IGSF9B: variants seen among roughly 807,000 people sequenced by gnomAD.
The protein encoded by IGSF9B is protein turtle homolog B.
IGSF9B carries 48 observed loss-of-function variants against 143.7 expected under a neutral mutation model. That is an observed-to-expected ratio of 0.33 (90% confidence interval 0.26 to 0.42). IGSF9B has a LOEUF of 0.42. Ranked by LOEUF, IGSF9B falls within the 20% of genes least tolerant of loss-of-function variation. The probability of loss-of-function intolerance (pLI) is 1.00; values close to 1 mark genes in which losing one functional copy is unlikely to be tolerated. For missense variants in IGSF9B, 1,706 were observed against 1,980.0 expected, an observed-to-expected ratio of 0.86 and a Z score of 2.63; for synonymous variants, 903 against 833.1, an observed-to-expected ratio of 1.08 and a Z score of -1.44.
In IGSF9B at chr11:133,931,366, CG is replaced by C; in HGVS notation, c.1368+86del. On this transcript the variant is annotated intron_variant, in intron 10 of 19. Transcript: ENST00000533871. This position sits in a 1 kb window ranked among gnomAD's most constrained non-coding sequence, Gnocchi z 7.7. ...CACACCTCCCCTCAGCCCCGGGGCTCGCTGGGCCCTCAAACCTCCCCGCAGC... is the reference window on the plus strand; with the variant it reads ...CACACCTCCCCTCAGCCCCGGGGCTCCTGGGCCCTCAAACCTCCCCGCAGC... 1 of 1,001,762 alleles carries C rather than the reference CG, an allele frequency of 1.0e-6. No homozygotes were observed. The highest frequency in any genetic ancestry group is 1.5e-6 in the Non-Finnish European group (1 of 663,510). 62.1% of individuals were successfully genotyped at this position (1,001,762 alleles called of 1,614,324 possible). A position where few individuals can be genotyped will look rare whatever the true frequency, so the allele number is the denominator to read the frequency against.
At position 133,899,349 on chromosome 11, in the gene IGSF9B, C is replaced by T. The variant is rs1050367999; in HGVS notation, c.*9720G>A. ...TCTCAATGACCTTTGCTCCAAGTGC[C>T]TTAAGGGCTGGCTCTTCAGAGAAGC... On this transcript the variant is annotated 3_prime_UTR_variant, in exon 20 of 20. Coordinates refer to ENST00000533871, the MANE Select transcript of IGSF9B (RefSeq NM_001277285.4). 3.3e-5 allele frequency: 5 copies of T among 152,456 alleles called. No homozygotes were observed. The highest frequency in any genetic ancestry group is 1.2e-4 in the African/African-American group (5 of 41,466). 9.4% of individuals were successfully genotyped at this position (152,456 alleles called of 1,614,324 possible). A position where few individuals can be genotyped will look rare whatever the true frequency, so the allele number is the denominator to read the frequency against.
chr11:133,928,639 A>AC lies in IGSF9B; in HGVS notation c.1631+1031dup, dbSNP rs1939671492. Among the ~76,000 whole-genome samples the AC allele has an allele frequency of 1.3e-5, 2 of 151,894 alleles. No homozygotes were observed. The highest frequency in any genetic ancestry group is 2.4e-5 in the African/African-American group (1 of 41,326). Reference sequence around the variant, plus strand: ...CTCGCCCTCCCAGCTCAAGGTTGTCACCCCCGGGGCAGGGCAGGTGGCTGC... The same window carrying AC: ...CTCGCCCTCCCAGCTCAAGGTTGTCACCCCCCGGGGCAGGGCAGGTGGCTGC... On this transcript the variant is annotated intron_variant, in intron 12 of 19. Transcript: ENST00000533871. This position sits in a 1 kb window ranked among gnomAD's most constrained non-coding sequence, Gnocchi z 4.7.
In IGSF9B at chr11:133,906,346, G is replaced by A. The variant is rs1269281699; in HGVS notation, c.*2723C>T. On this transcript the variant is annotated 3_prime_UTR_variant, in exon 20 of 20. Transcript: ENST00000533871. ...CCACCAATCCCATCGCCGTCCACGGGCTGCAGGAGGGCTGCTGGCCTCCGA... is the reference window on the plus strand; with the variant it reads ...CCACCAATCCCATCGCCGTCCACGGACTGCAGGAGGGCTGCTGGCCTCCGA... Among the ~76,000 whole-genome samples, 2 of 152,218 alleles carry A rather than the reference G, an allele frequency of 1.3e-5. No homozygotes were observed. The highest frequency in any genetic ancestry group is 2.9e-5 in the Non-Finnish European group (2 of 68,046).
At position 133,913,918 on chromosome 11, in the gene IGSF9B, G is replaced by A. The variant is rs1939338795; in HGVS notation, c.3984-1911C>T. 6.6e-6 allele frequency among the ~76,000 whole-genome samples: 1 copy of A among 152,162 alleles called. No homozygotes were observed. The highest frequency in any genetic ancestry group is 1.5e-5 in the Non-Finnish European group (1 of 68,036). ...CGGCCTCTTCAGGAGGACCACACAG[G>A]GTGAGCGACGTGTGGTCAGGGAGGC... On this transcript the variant is annotated intron_variant, in intron 18 of 19. Coordinates refer to ENST00000533871, the MANE Select transcript of IGSF9B (RefSeq NM_001277285.4). The surrounding 1 kb of genome is among the most constrained non-coding windows in gnomAD (Gnocchi z 4.6).
At chr11:133,926,256 C>T (rs1939625366) in intron 13 of IGSF9B, among the ~76,000 whole-genome samples, 1 of 152,352 alleles carries the variant, frequency 6.6e-6, no homozygotes, top group East Asian at 1.9e-4. Flanking sequence ...TCTCACAGCA[C>T]AGCAGTCACT....
In IGSF9B at chr11:133,898,304, A is replaced by G. The variant is rs1429335563; in HGVS notation, c.*10765T>C. On this transcript the variant is annotated 3_prime_UTR_variant, in exon 20 of 20. Coordinates refer to ENST00000533871, the MANE Select transcript of IGSF9B (RefSeq NM_001277285.4). The stretch of plus-strand genomic sequence containing the variant: ...CAGCAAGAGGCTGCCGCGCACCGAG[A>G]GGTACAGAGTTTGTAAGGGGTCTGG... 1 of 152,416 alleles carries G rather than the reference A, an allele frequency of 6.6e-6. No individual in the cohort carries two copies. The highest frequency in any genetic ancestry group is 1.9e-4 in the East Asian group (1 of 5,156). 9.4% of individuals were successfully genotyped at this position (152,416 alleles called of 1,614,324 possible).
At chr11:133,949,673 G>A (rs1191712572) in intron 1 of IGSF9B, among the ~76,000 whole-genome samples, 1 of 151,668 alleles carries the variant, frequency 6.6e-6, no homozygotes, top group Non-Finnish European at 1.5e-5. Context: ...TGTTCTGTCA[G>A]AACACCCCAG....
At chr11:133,926,867 C>A in intron 13 of IGSF9B, 49 bp downstream of exon 13, 1 of 1,496,198 alleles carries the variant, frequency 6.7e-7, no homozygotes, top group Non-Finnish European at 9.0e-7. Context: ...GCCACCGCCC[C>A]CACCACCTCT....
At chr11:133,929,403 G>A (rs1021531848) in intron 12 of IGSF9B, among the ~76,000 whole-genome samples, 6 of 152,314 alleles carry the variant, frequency 3.9e-5, no homozygotes, top group South Asian at 4.1e-4. Flanking sequence ...GACGCAAAAC[G>A]AGGCAGCACG....
rs370904014 is a variant in IGSF9B, at chr11:133,930,972, C to T, written c.1519+12G>A. The T allele has an allele frequency of 1.5e-4, 238 of 1,601,778 alleles. No individual in the cohort carries two copies. Among genetic ancestry groups the T allele is most frequent in the Non-Finnish European group, 2.0e-4 (231 of 1,173,592 alleles). ...GTCCCCGCCGCCCGGCCCAGCCTTG[C>T]CGGCCACGTACCGATGACGGTGAGG... On this transcript the variant is annotated intron_variant, in intron 11 of 19. Coordinates refer to ENST00000533871, the MANE Select transcript of IGSF9B (RefSeq NM_001277285.4).
chr11:133,930,967 C>G lies in IGSF9B; in HGVS notation c.1519+17G>C. ...GCTCTGTCCCCGCCGCCCGGCCCAG[C>G]CTTGCCGGCCACGTACCGATGACGG... is the stretch of plus-strand genomic sequence containing the variant. On this transcript the variant is annotated intron_variant, in intron 11 of 19. Coordinates refer to ENST00000533871, the MANE Select transcript of IGSF9B (RefSeq NM_001277285.4). The G allele has an allele frequency of 6.3e-7, 1 of 1,599,582 alleles. No homozygotes were observed. Among genetic ancestry groups the G allele is most frequent in the South Asian group, 1.1e-5 (1 of 88,482 alleles).
Position 133,903,312 on chromosome 11 carries a change from G to A in IGSF9B, c.*5757C>T, listed in dbSNP as rs1939168998. 1.3e-5 allele frequency among the ~76,000 whole-genome samples: 2 copies of A among 152,066 alleles called. No homozygotes were observed. Among genetic ancestry groups the A allele is most frequent in the Admixed American group, 1.3e-4 (2 of 15,264 alleles). On this transcript the variant is annotated 3_prime_UTR_variant, in exon 20 of 20. Coordinates refer to ENST00000533871, the MANE Select transcript of IGSF9B (RefSeq NM_001277285.4). ...TGTGATGGGAATGGTGACAACCAAG[G>A]ACCAGTGACAGGAGCTGAGCATTTG... is the stretch of plus-strand genomic sequence containing the variant.
chr11:133,935,785 G>A (rs772105943), intron 6 of IGSF9B, 23 bp from the exon 7 acceptor site: 117 of 1,606,236 alleles, frequency 7.3e-5, no homozygotes, highest in Non-Finnish European at 9.0e-5. Context: ...ATGGGGACAG[G>A]GGGTTGGGCG....
chr11:133,936,767 C>G (rs769482428), intron 5 of IGSF9B, among the ~76,000 whole-genome samples: 1 of 152,228 alleles, frequency 6.6e-6, no homozygotes. Flanking sequence ...CCCCACAACC[C>G]CCGAGTTCCT....
Position 133,931,652 on chromosome 11 carries a change from C to T in IGSF9B, c.1251+3G>A. ...GGAGGCCGTCACAGCCCTGGGACCT[C>T]ACCTTCAGGACAAGCCTCGCAGGGG... is the stretch of plus-strand genomic sequence containing the variant. On this transcript the variant is annotated splice_donor_region_variant and intron_variant, in intron 9 of 19. Transcript: ENST00000533871. This position sits in a 1 kb window ranked among gnomAD's most constrained non-coding sequence, Gnocchi z 7.7. 1 of 1,608,706 alleles carries T rather than the reference C, an allele frequency of 6.2e-7. No homozygotes were observed. Among genetic ancestry groups the T allele is most frequent in the Non-Finnish European group, 8.5e-7 (1 of 1,176,808 alleles).
At chr11:133,952,340 G>A (rs1376265960) in intron 1 of IGSF9B, 1 of 246,888 alleles carries the variant, frequency 4.1e-6, no homozygotes, top group Non-Finnish European at 8.4e-6. Context: ...GAGGCCCTGG[G>A]CTGGGGCCTG....
At chr11:133,918,796 C>T (rs1187654983) in intron 18 of IGSF9B, among the ~76,000 whole-genome samples, 1 of 134,222 alleles carries the variant, frequency 7.5e-6, no homozygotes, top group African/African-American at 2.8e-5. Context: ...GACCAAAGGA[C>T]GGAGCCAGAG....
chr11:133,933,447 G>A (rs1939769584), intron 7 of IGSF9B, among the ~76,000 whole-genome samples: 1 of 152,236 alleles, frequency 6.6e-6, no homozygotes, highest in Non-Finnish European at 1.5e-5. Flanking sequence ...TGATTCTGCA[G>A]CTGAAATGCT....
chr11:133,902,465 TACACACACCACACACAAC>T lies in IGSF9B; in HGVS notation c.*6586_*6603del, dbSNP rs1939152285. Among the ~76,000 whole-genome samples the T allele has an allele frequency of 5.6e-5, 2 of 35,764 alleles. No homozygotes were observed. Among genetic ancestry groups the T allele is most frequent in the Non-Finnish European group, 7.7e-5 (1 of 12,960 alleles). 23.5% of individuals were successfully genotyped at this position (35,764 alleles called of 152,430 possible). A position where few individuals can be genotyped will look rare whatever the true frequency, so the allele number is the denominator to read the frequency against. ...ACCACCCAGACACACCACACACAGATACACACACCACACACAACACACACACACACCAGACATGCACAC... is the reference window on the plus strand; with the variant it reads ...ACCACCCAGACACACCACACACAGATACACACACACACCAGACATGCACAC... On this transcript the variant is annotated 3_prime_UTR_variant, in exon 20 of 20. Coordinates refer to ENST00000533871, the MANE Select transcript of IGSF9B (RefSeq NM_001277285.4).
Sources: gnomAD v4.1 joint callset for allele counts (sites outside exome capture counted in the v4.1 genomes callset) on GRCh38, gnomAD v4.1.1 for gene constraint, Gnocchi (gnomAD v3.1) non-coding constraint, MANE v1.5 for transcripts, NCBI Gene and HGNC (gene_info 2026-07-23, HGNC 2026-07-21) for gene names.